KAZN: variants seen among roughly 807,000 people sequenced by gnomAD.
KAZN encodes kazrin, periplakin interacting protein, also known as kazrin.
KAZN carries 40 observed loss-of-function variants against 87.4 expected under a neutral mutation model. The ratio of observed to expected loss-of-function variants is 0.46; its 90% CI spans 0.36 to 0.60. The LOEUF (loss-of-function observed/expected upper bound fraction) is 0.60, where lower values mean the gene tolerates loss of function less well. KAZN is among the 20% of genes least tolerant of loss of function. KAZN has a pLI of 0.00. For synonymous variants in KAZN, 466 were observed against 458.3 expected (o/e 1.02, Z -0.22); for missense variants, 898 against 1,073.9 (o/e 0.84, Z 2.29).
At chr1:14,135,004 TGTGCACACA>T (rs1645077816) in intron 1 of KAZN, among the ~76,000 whole-genome samples, 2 of 22,240 alleles carry the variant, frequency 9.0e-5, no homozygotes, top group African/African-American at 7.2e-4. Flanking sequence ...CACACACACA[TGTGCACACA>T]TGCACACATA....
At chr1:14,272,023 T>C (rs749716543) in intron 2 of KAZN, among the ~76,000 whole-genome samples, 9 of 152,200 alleles carry the variant, frequency 5.9e-5, no homozygotes, top group Non-Finnish European at 1.2e-4. Context: ...AATGAGATAA[T>C]GTGTTGCAGA....
At chr1:14,973,187 T>C (rs897251599) in intron 2 of KAZN, among the ~76,000 whole-genome samples, 40 of 152,150 alleles carry the variant, frequency 2.6e-4, no homozygotes, top group African/African-American at 9.7e-4. Flanking sequence ...TAGACATCGT[T>C]TTAATGTTAC....
intron 2 of KAZN, among the ~76,000 whole-genome samples, chr1:14,590,419 G>A (rs1388950808): frequency 6.6e-6 from 1 of 152,150 alleles, no homozygotes; most frequent in Non-Finnish European, 1.5e-5. Context: ...AGCGAGTGCA[G>A]GGATGACTTC....
At chr1:14,289,549 C>T (rs914977443) in intron 2 of KAZN, among the ~76,000 whole-genome samples, 2 of 151,548 alleles carry the variant, frequency 1.3e-5, no homozygotes, top group African/African-American at 2.4e-5. Flanking sequence ...AGATCTTCTT[C>T]TATCCCTTTA....
At chr1:14,851,346 C>G (rs1000174144) in intron 1 of KAZN, among the ~76,000 whole-genome samples, 2 of 152,210 alleles carry the variant, frequency 1.3e-5, no homozygotes, top group African/African-American at 4.8e-5. Flanking sequence ...GCTAGGGGCT[C>G]CCTTCTGCGG....
rs1013730762 is a variant in KAZN at position 14,581,064 on chromosome 1, T to A, written c.250-17919T>A. Among the ~76,000 whole-genome samples the A allele has an allele frequency of 5.9e-5, 9 of 152,114 alleles. No individual in the cohort carries two copies. The South Asian group carries it at 1.2e-3, about 21-fold the overall frequency. ...CATGGATTTGTTAGATTTCATCCAC[T>A]CTTGGGCCTCTGGATAACATCTACA... On this transcript the variant is annotated intron_variant, in intron 2 of 16. Transcript: ENST00000636203.
At position 14,013,498 on chromosome 1, in the gene KAZN, C is replaced by G. The variant is rs550489684; in HGVS notation, c.91+119742C>G. The stretch of plus-strand genomic sequence containing the variant: ...GTTTTGCTTTTTCCCTTGGTAGCAG[C>G]AAGGACTTGGCTGCTGTGTACCCAC... On this transcript the variant is annotated intron_variant, in intron 1 of 16. Coordinates refer to the KAZN transcript ENST00000636203. 3.9e-5 allele frequency among the ~76,000 whole-genome samples: 6 copies of G among 152,238 alleles called. No homozygotes were observed. The South Asian group carries it at 1.2e-3, about 32-fold the overall frequency.
intron 1 of KAZN, among the ~76,000 whole-genome samples, chr1:13,991,263 G>A (rs952427300): frequency 6.6e-5 from 10 of 152,022 alleles, no homozygotes; most frequent in African/African-American, 2.2e-4. Flanking sequence ...GTTGGAAAAT[G>A]TAGTGTTTCA....
At chr1:13,977,224 G>C (rs1328647725) in intron 1 of KAZN, among the ~76,000 whole-genome samples, 1 of 152,110 alleles carries the variant, frequency 6.6e-6, no homozygotes, top group Non-Finnish European at 1.5e-5. Context: ...TGATGCCACT[G>C]GTGAGGTATC....
chr1:14,203,654 C>T (rs1646684509), intron 2 of KAZN, among the ~76,000 whole-genome samples: 1 of 152,146 alleles, frequency 6.6e-6, no homozygotes, highest in South Asian at 2.1e-4. Context: ...GTGGCCTTCA[C>T]TAAAAACAAA....
chr1:14,379,625 G>C (rs375757911), intron 2 of KAZN, among the ~76,000 whole-genome samples: 19 of 152,260 alleles, frequency 1.2e-4, no homozygotes, highest in African/African-American at 4.6e-4. Flanking sequence ...ATAGGCCTGT[G>C]GGGGTGGTGG....
intron 2 of KAZN, among the ~76,000 whole-genome samples, chr1:14,512,478 A>G (rs1211382785): frequency 1.3e-5 from 1 of 78,514 alleles, no homozygotes; most frequent in East Asian, 3.7e-4. Flanking sequence ...GAGCCCCCCC[A>G]CCCCCACCCC....
chr1:14,975,006 G>A (rs1284747875), intron 2 of KAZN, among the ~76,000 whole-genome samples: 1 of 152,196 alleles, frequency 6.6e-6, no homozygotes, highest in Admixed American at 6.5e-5. Context: ...AGCATTGTAG[G>A]GCAAGGAGCA....
chr1:14,209,402 T>C (rs1646809231), intron 2 of KAZN, among the ~76,000 whole-genome samples: 1 of 152,224 alleles, frequency 6.6e-6, no homozygotes, highest in African/African-American at 2.4e-5. Context: ...GATGTTTTTT[T>C]CCAGCATACC....
At chr1:14,224,309 G>A (rs1312825484) in intron 2 of KAZN, among the ~76,000 whole-genome samples, 1 of 152,138 alleles carries the variant, frequency 6.6e-6, no homozygotes, top group African/African-American at 2.4e-5. Flanking sequence ...AGCATAAGGA[G>A]TAGAACATGT....
chr1:14,055,746 T>A (rs966693170), intron 1 of KAZN, among the ~76,000 whole-genome samples: 1 of 150,370 alleles, frequency 6.7e-6, no homozygotes, highest in South Asian at 2.1e-4. Context: ...GGAGCCTCCC[T>A]CTACCCTCTG....
intron 1 of KAZN, among the ~76,000 whole-genome samples, chr1:14,173,556 T>G (rs910160969): frequency 4.6e-5 from 7 of 152,166 alleles, no homozygotes; most frequent in Admixed American, 2.0e-4. Context: ...CCCAGGACTA[T>G]CCGCCGGAAC....
At chr1:14,090,064 C>A (rs906232943) in intron 1 of KAZN, among the ~76,000 whole-genome samples, 1 of 151,042 alleles carries the variant, frequency 6.6e-6, no homozygotes, top group African/African-American at 2.4e-5. Flanking sequence ...TTATCATTGC[C>A]TTTCTGTAAT....
At chr1:14,180,343 A>C (rs1394274160) in intron 1 of KAZN, 1 of 1,147,414 alleles carries the variant, frequency 8.7e-7, no homozygotes, top group Non-Finnish European at 1.2e-6. Context: ...CCTTGTATGT[A>C]CACCCTTACT....
Sources: gnomAD v4.1 joint callset for allele counts (sites outside exome capture counted in the v4.1 genomes callset) on GRCh38, gnomAD v4.1.1 for gene constraint, MANE v1.5 for transcripts, NCBI Gene and HGNC (gene_info 2026-07-23, HGNC 2026-07-21) for gene names.